DMD: variants seen among roughly 807,000 people sequenced by gnomAD.
DMD encodes mutant dystrophin.
A neutral mutation model predicts 330.1 loss-of-function variants in DMD; 63 were observed. That is an observed-to-expected ratio of 0.19 (90% CI 0.16 to 0.24). The LOEUF is 0.24. Among genes scored for constraint, DMD ranks in the 10% least tolerant of loss-of-function variants. The pLI is 1.00. For synonymous variants in DMD, 1,223 were observed against 959.8 expected (o/e 1.27, Z -5.07); for missense variants, 3,344 against 2,684.1 (o/e 1.25, Z -5.43).
intron 52 of DMD, among the ~76,000 whole-genome samples, chrX:31,708,510 T>G (rs1358490983): frequency 8.9e-6 from 1 of 112,029 alleles, no homozygotes; most frequent in African/African-American, 3.2e-5. Context: ...TTTGCTGGTT[T>G]TCTCTGTTTT....
At chrX:31,915,132 C>A (rs2094593596) in intron 47 of DMD, among the ~76,000 whole-genome samples, 1 of 112,347 alleles carries the variant, frequency 8.9e-6, no homozygotes, top group Non-Finnish European at 1.9e-5. Flanking sequence ...ATATCTTGAT[C>A]TGATGGAGAA....
At chrX:33,243,725 C>A (rs924117208) in intron 1 of DMD, among the ~76,000 whole-genome samples, 8 of 112,183 alleles carry the variant, frequency 7.1e-5, no homozygotes, top group Admixed American at 4.7e-4. Flanking sequence ...AAAATCATGT[C>A]TTTTGCAACA....
At chrX:32,877,108 C>T (rs2083441876) in intron 2 of DMD, among the ~76,000 whole-genome samples, 1 of 111,958 alleles carries the variant, frequency 8.9e-6, no homozygotes, top group Admixed American at 9.5e-5. Flanking sequence ...TATTCTGATG[C>T]AGAATCAGTC....
chrX:31,853,839 C>A (rs969563984), intron 48 of DMD, among the ~76,000 whole-genome samples: 2 of 112,185 alleles, frequency 1.8e-5, no homozygotes, highest in Non-Finnish European at 3.8e-5. Flanking sequence ...TGTAACTAAG[C>A]ATGTCCTTTT....
chrX:31,615,125 A>G (rs369673483), intron 55 of DMD, among the ~76,000 whole-genome samples: 1 of 111,816 alleles, frequency 8.9e-6, no homozygotes, highest in Non-Finnish European at 1.9e-5. Flanking sequence ...ACCCTAAAAA[A>G]TTATTCAAGG....
intron 43 of DMD, among the ~76,000 whole-genome samples, chrX:32,280,003 C>CCACATATATATATGTACCCCA: frequency 1.6e-5 from 1 of 61,288 alleles, no homozygotes; most frequent in Non-Finnish European, 3.0e-5. Context: ...TATATGTACC[C>CCACATATATATATGTACCCCA]CACATATATA....
chrX:33,271,329 C>T (rs1481987847), intron 1 of DMD, among the ~76,000 whole-genome samples: 2 of 109,544 alleles, frequency 1.8e-5, no homozygotes, highest in Non-Finnish European at 3.8e-5. Context: ...AATTAATGAT[C>T]CTTAATTTTA....
At chrX:32,033,565 T>C (rs1291627540) in intron 44 of DMD, among the ~76,000 whole-genome samples, 1 of 102,349 alleles carries the variant, frequency 9.8e-6, no homozygotes, top group Non-Finnish European at 2.0e-5. Context: ...GGGAATAAAC[T>C]GCTTGCACTA....
chrX:31,514,619 T>C (rs1483646870), intron 55 of DMD, among the ~76,000 whole-genome samples: 1 of 112,405 alleles, frequency 8.9e-6, no homozygotes, highest in African/African-American at 3.2e-5. Context: ...TTTTTGAATA[T>C]TACATGGAAT....
chrX:32,037,712 C>T (rs1051761175), intron 44 of DMD, among the ~76,000 whole-genome samples: 6 of 111,379 alleles, frequency 5.4e-5, no homozygotes, highest in Admixed American at 4.8e-4. Flanking sequence ...ACTCATTATA[C>T]GTGCCATGCA....
chrX:31,511,959 A>G (rs758089153), intron 55 of DMD, among the ~76,000 whole-genome samples: 48 of 109,171 alleles, frequency 4.4e-4, no homozygotes, highest in Non-Finnish European at 7.8e-4. Context: ...AACAGTGTAG[A>G]AGTGTTCCTA....
intron 44 of DMD, among the ~76,000 whole-genome samples, chrX:31,969,435 G>C (rs967922780): frequency 3.6e-5 from 4 of 111,212 alleles, no homozygotes; most frequent in Non-Finnish European, 7.6e-5. Context: ...GAGAACTTGA[G>C]GTACCTACCG....
intron 11 of DMD, among the ~76,000 whole-genome samples, chrX:32,617,518 G>A (rs866921790): frequency 4.7e-4 from 52 of 111,305 alleles, no homozygotes; most frequent in Middle Eastern, 4.7e-3. Context: ...ACATGCAGAA[G>A]AATGAAATTA....
rs770136229 is a variant in DMD, at chrX:33,188,703, C to G, written c.31+22579G>C. 2.0e-4 allele frequency among the ~76,000 whole-genome samples: 22 copies of G among 112,172 alleles called. No homozygotes were observed. The South Asian group carries it at 8.2e-3, about 42-fold the overall frequency. Reference sequence around the variant, plus strand: ...CTCCTTGTTATGGGCTAAATTGCCCCTTTCCCAAATTCGTCTGTTGAAGTC... The same window carrying G: ...CTCCTTGTTATGGGCTAAATTGCCCGTTTCCCAAATTCGTCTGTTGAAGTC... On this transcript the variant is annotated intron_variant, in intron 1 of 78. Transcript: ENST00000357033.
chrX:31,506,944 T>A (rs2071010117), intron 56 of DMD, among the ~76,000 whole-genome samples: 1 of 112,172 alleles, frequency 8.9e-6, no homozygotes, highest in Admixed American at 9.5e-5. Flanking sequence ...ACATATCCGT[T>A]AATTTTTTAT....
intron 51 of DMD, among the ~76,000 whole-genome samples, chrX:31,767,405 T>C (rs2090069573): frequency 9.4e-6 from 1 of 105,857 alleles, no homozygotes; most frequent in African/African-American, 3.4e-5. Flanking sequence ...AAATGAGATG[T>C]GTAAGAAGTT....
chrX:33,070,673 CTATATATATATATATA>C (rs59422325), intron 1 of DMD, among the ~76,000 whole-genome samples: 34 of 35,638 alleles, frequency 9.5e-4, no homozygotes, highest in African/African-American at 3.9e-3. Context: ...CTCTCTCTCT[CTATATATATATATATA>C]TATATATATA....
At position 31,240,083 on chromosome X, in the gene DMD, C is replaced by T. The variant is rs754752598; in HGVS notation, c.9287-16962G>A. 1.3e-4 allele frequency among the ~76,000 whole-genome samples: 15 copies of T among 111,373 alleles called. 1 individual carries two copies. In the South Asian group the frequency reaches 4.6e-3, roughly 34 times the overall value. On this transcript the variant is annotated intron_variant, in intron 63 of 78. Transcript: ENST00000357033. Reference sequence around the variant, plus strand: ...GTTGTCCAATTTGACTTAAAGGCCACGAGATGCTGATGTTAAACTTCGTAC... The same window carrying T: ...GTTGTCCAATTTGACTTAAAGGCCATGAGATGCTGATGTTAAACTTCGTAC...
At chrX:31,241,094 C>T (rs1307351497) in intron 63 of DMD, among the ~76,000 whole-genome samples, 1 of 25,200 alleles carries the variant, frequency 4.0e-5, no homozygotes, top group African/African-American at 1.1e-4. Flanking sequence ...CCTTTCTCTG[C>T]CCCTGTACTT....
Sources: gnomAD v4.1 joint callset for allele counts (sites outside exome capture counted in the v4.1 genomes callset) on GRCh38, gnomAD v4.1.1 for gene constraint, MANE v1.5 for transcripts, NCBI Gene and HGNC (gene_info 2026-07-23, HGNC 2026-07-21) for gene names.